Variants in NHLRC2 observed in about 807,000 individuals in gnomAD.
NHLRC2 encodes the protein NHL repeat containing 2, also known as NHL repeat-containing protein 2.
NHLRC2 carries 33 observed loss-of-function variants against 68.1 expected under a neutral mutation model. The ratio of observed to expected loss-of-function variants is 0.48; its 90% CI spans 0.37 to 0.65. The LOEUF (loss-of-function observed/expected upper bound fraction) is 0.65. Among genes scored for constraint, NHLRC2 ranks in the 30% least tolerant of loss-of-function variants. The pLI, the probability that NHLRC2 is intolerant of heterozygous loss-of-function variation, is 0.00. For missense variants in NHLRC2, 761 were observed against 853.8 expected, an observed-to-expected ratio of 0.89 and a Z score of 1.35; for synonymous variants, 311 against 309.6, an observed-to-expected ratio of 1.00 and a Z score of -0.05.
rs1846306967 is a variant in NHLRC2, at chr10:113,909,639, A to G, written c.*1103A>G. ...AAGGCCGAAACAGTGATTTAATGAT[A>G]CTATTTTTTAATTTTTGTTGTTTTT... On this transcript the variant is annotated 3_prime_UTR_variant, in exon 11 of 11. Transcript: ENST00000369301. 4 of 152,242 alleles carry G rather than the reference A, an allele frequency of 2.6e-5. No homozygotes were observed. The South Asian group carries it at 6.2e-4, about 24-fold the overall frequency. The allele number at this position is 152,242 out of a possible 1,614,324, so 9.4% of individuals were successfully genotyped here. A position where few individuals can be genotyped will look rare whatever the true frequency, so the allele number is the denominator to read the frequency against.
chr10:113,901,267 T>C (rs934441885), intron 6 of NHLRC2, among the ~76,000 whole-genome samples: 10 of 152,332 alleles, frequency 6.6e-5, no homozygotes, highest in African/African-American at 2.4e-4. Flanking sequence ...TATCAAGAGC[T>C]AGATGATCTT....
At chr10:113,891,958 G>C (rs1235974562) in intron 5 of NHLRC2, among the ~76,000 whole-genome samples, 1 of 152,164 alleles carries the variant, frequency 6.6e-6, no homozygotes, top group Non-Finnish European at 1.5e-5. Context: ...TGAGAACTCT[G>C]CTTGGTGTCA....
chr10:113,886,298 A>G (rs1846081983), intron 5 of NHLRC2, among the ~76,000 whole-genome samples: 1 of 152,162 alleles, frequency 6.6e-6, no homozygotes, highest in Non-Finnish European at 1.5e-5. Context: ...ATATTGTTAA[A>G]ATGTTCATAC....
Position 113,916,316 on chromosome 10 carries a change from C to T in NHLRC2, c.*7780C>T, listed in dbSNP as rs1275316146. 1.3e-5 allele frequency: 2 copies of T among 152,292 alleles called. No individual in the cohort carries two copies. Among genetic ancestry groups the T allele is most frequent in the African/African-American group, 2.4e-5 (1 of 41,556 alleles). The allele number at this position is 152,292 out of a possible 1,614,324, so 9.4% of individuals were successfully genotyped here. A position where few individuals can be genotyped will look rare whatever the true frequency, so the allele number is the denominator to read the frequency against. On this transcript the variant is annotated 3_prime_UTR_variant, in exon 11 of 11. Transcript: ENST00000369301. ...CTTCCTCTCCACAGCTTAGGCCTCC[C>T]TCTTACTAAAAACAATAGTAGTTTC... is the stretch of plus-strand genomic sequence containing the variant.
At position 113,876,790 on chromosome 10, in the gene NHLRC2, A is replaced by T; in HGVS notation, c.601A>T (p.Arg201Trp). The T allele has an allele frequency of 1.2e-6, 2 of 1,612,086 alleles. No individual in the cohort carries two copies. The highest frequency in any genetic ancestry group is 1.7e-6 in the Non-Finnish European group (2 of 1,178,292). The stretch of plus-strand genomic sequence containing the variant: ...AATTGCTTTAAAGTATTACAAAGAC[A>T]GGGGGCAGATCAGAGATAATAAAAT... ...TSIALKYYKDRGQIRDNKIGI... is the reference protein window; with the variant it reads ...TSIALKYYKDWGQIRDNKIGI... The change falls in exon 3 of 11, where the codon AGG (arginine) becomes TGG (tryptophan). Residue 201 changes from arginine to tryptophan, a missense_variant. Arg to Trp is a moderately radical substitution (Grantham distance 101). Transcript: ENST00000369301.
chr10:113,900,193 T>G (rs1846215871), intron 6 of NHLRC2, among the ~76,000 whole-genome samples: 1 of 152,124 alleles, frequency 6.6e-6, no homozygotes, highest in Non-Finnish European at 1.5e-5. Flanking sequence ...GTGACATGAT[T>G]AGATTTGTGT....
intron 6 of NHLRC2, among the ~76,000 whole-genome samples, chr10:113,900,136 G>A (rs1846215544): frequency 6.6e-6 from 1 of 152,082 alleles, no homozygotes; most frequent in South Asian, 2.1e-4. Flanking sequence ...GTACTTTTAG[G>A]GATCTGAATA....
chr10:113,886,724 C>T (rs936085267), intron 5 of NHLRC2, among the ~76,000 whole-genome samples: 2 of 152,092 alleles, frequency 1.3e-5, no homozygotes, highest in African/African-American at 4.8e-5. Context: ...CAAAAACCAA[C>T]TCAAAATAGA....
intron 2 of NHLRC2, 145 bp downstream of exon 2, chr10:113,858,825 T>G: frequency 1.9e-6 from 1 of 538,306 alleles, no homozygotes; most frequent in Non-Finnish European, 3.3e-6. Flanking sequence ...ATTAAAGACT[T>G]CATGTACCTT....
intron 5 of NHLRC2, among the ~76,000 whole-genome samples, chr10:113,894,362 G>T (rs1258846630): frequency 6.6e-6 from 1 of 152,000 alleles, no homozygotes; most frequent in East Asian, 1.9e-4. Context: ...TTTACCCTTA[G>T]GTGTTTGATG....
Position 113,860,362 on chromosome 10 carries a change from G to A in NHLRC2, c.331+1682G>A, listed in dbSNP as rs116304833. ...CCTTATAATCTCCTACTAGTTTACTGGAAACATTGTTTTTATAGCACATTG... is the reference window on the plus strand; with the variant it reads ...CCTTATAATCTCCTACTAGTTTACTAGAAACATTGTTTTTATAGCACATTG... On this transcript the variant is annotated intron_variant, in intron 2 of 10. Coordinates refer to ENST00000369301, the MANE Select transcript of NHLRC2 (RefSeq NM_198514.4). Among the ~76,000 whole-genome samples, 888 of 152,072 alleles carry A rather than the reference G, an allele frequency of 5.8e-3. 10 individuals are homozygous for A. The highest frequency in any genetic ancestry group is 0.019 in the African/African-American group (807 of 41,498).
chr10:113,887,581 C>G (rs1391610470), intron 5 of NHLRC2, among the ~76,000 whole-genome samples: 1 of 151,548 alleles, frequency 6.6e-6, no homozygotes, highest in Non-Finnish European at 1.5e-5. Flanking sequence ...ACCAGCCTCG[C>G]CAACGTGGTG....
Position 113,908,584 on chromosome 10 carries a change from C to A in NHLRC2, c.*48C>A. 1 of 1,595,378 alleles carries A rather than the reference C, an allele frequency of 6.3e-7. No individual in the cohort carries two copies. The highest frequency in any genetic ancestry group is 1.1e-5 in the South Asian group (1 of 90,096). ...ATTGCCACCACCTACTGTCTCCCAT[C>A]CTGACTATCACTGTAATTTAAGGAA... On this transcript the variant is annotated 3_prime_UTR_variant, in exon 11 of 11. Coordinates refer to ENST00000369301, the MANE Select transcript of NHLRC2 (RefSeq NM_198514.4).
intron 2 of NHLRC2, among the ~76,000 whole-genome samples, chr10:113,872,805 G>A (rs1225728885): frequency 6.7e-6 from 1 of 148,940 alleles, no homozygotes; most frequent in African/African-American, 2.4e-5. Flanking sequence ...AAAAATGATT[G>A]AATTGGAAAA....
intron 4 of NHLRC2, among the ~76,000 whole-genome samples, chr10:113,883,119 T>G (rs993460929): frequency 6.6e-6 from 1 of 152,010 alleles, no homozygotes; most frequent in South Asian, 2.1e-4. Context: ...CTTTCTTCTT[T>G]TTCAAGATTA....
rs904603453 is a variant in NHLRC2, at chr10:113,909,164, A to G, written c.*628A>G. Reference sequence around the variant, plus strand: ...CTATTTTTATTATAAATTATTTGTTATTTAACATACCATTATGAATGCCTT... The same window carrying G: ...CTATTTTTATTATAAATTATTTGTTGTTTAACATACCATTATGAATGCCTT... On this transcript the variant is annotated 3_prime_UTR_variant, in exon 11 of 11. Coordinates refer to ENST00000369301, the MANE Select transcript of NHLRC2 (RefSeq NM_198514.4). 4.6e-5 allele frequency: 7 copies of G among 152,350 alleles called. No individual in the cohort carries two copies. The highest frequency in any genetic ancestry group is 1.7e-4 in the African/African-American group (7 of 41,586). The allele number at this position is 152,350 out of a possible 1,614,324, so 9.4% of individuals were successfully genotyped here. A position where few individuals can be genotyped will look rare whatever the true frequency, so the allele number is the denominator to read the frequency against.
chr10:113,879,579 A>G lies in NHLRC2; in HGVS notation c.793A>G (p.Asn265Asp). The G allele has an allele frequency of 6.2e-7, 1 of 1,601,684 alleles. No individual in the cohort carries two copies. Among genetic ancestry groups the G allele is most frequent in the Admixed American group, 1.7e-5 (1 of 58,002 alleles). Residue 265 changes from asparagine (N) to aspartate (D), a missense_variant, in exon 4 of 11, where the codon AAC becomes GAC. Coordinates refer to ENST00000369301, the MANE Select transcript of NHLRC2 (RefSeq NM_198514.4). The part of the protein sequence containing the change: ...GQIQYSIGGP[N>D]PGRKDGIFSE... The stretch of plus-strand genomic sequence containing the variant: ...CAAATTTTATCTTATTTTAGGACCC[A>G]ACCCTGGAAGAAAAGATGGAATATT...
rs531555760 is a variant in NHLRC2 at position 113,904,906 on chromosome 10, T to A, written c.1794T>A (p.Ala598=). The change falls in exon 10 of 11, where the codon GCT becomes GCA. Residue 598 remains alanine, a synonymous_variant. Coordinates refer to ENST00000369301, the MANE Select transcript of NHLRC2 (RefSeq NM_198514.4). The stretch of plus-strand genomic sequence containing the variant: ...CATTACCCAAACTACCTAAATCTGC[T>A]CCAAGCATTAGGCTTTCCCCCGTGA... ...QKTLPKLPKS[A]PSIRLSPVTA... The A allele has an allele frequency of 6.8e-6, 11 of 1,610,820 alleles. No homozygotes were observed. In the South Asian group the frequency reaches 1.1e-4, roughly 16 times the overall value.
chr10:113,897,017 A>G (rs1239756447), intron 5 of NHLRC2, among the ~76,000 whole-genome samples: 3 of 151,988 alleles, frequency 2.0e-5, no homozygotes, highest in Non-Finnish European at 4.4e-5. Context: ...AAAATTTTGA[A>G]CCAATAAATG....
Sources: gnomAD v4.1 joint callset for allele counts (sites outside exome capture counted in the v4.1 genomes callset) on GRCh38, gnomAD v4.1.1 for gene constraint, MANE v1.5 for transcripts, NCBI Gene and HGNC (gene_info 2026-07-23, HGNC 2026-07-21) for gene names.